Variants in DCUN1D2 observed in about 807,000 individuals in gnomAD.
The protein encoded by DCUN1D2 is defective in cullin neddylation 1 domain containing 2.
DCUN1D2 carries 29 observed loss-of-function variants against 30.9 expected under a neutral mutation model. The ratio of observed to expected loss-of-function variants is 0.94; its 90% CI spans 0.70 to 1.28. The LOEUF (loss-of-function observed/expected upper bound fraction) is 1.28, where lower values mean the gene tolerates loss of function less well. Ranked by LOEUF, DCUN1D2 falls within the 50% of genes most tolerant of loss-of-function variation. DCUN1D2 has a pLI of 0.00. For missense variants in DCUN1D2, 325 were observed against 316.9 expected, an observed-to-expected ratio of 1.03 and a Z score of -0.19; for synonymous variants, 121 against 115.3, an observed-to-expected ratio of 1.05 and a Z score of -0.32.
Position 113,456,569 on chromosome 13 carries a change from C to T in DCUN1D2, c.*1460G>A, listed in dbSNP as rs554362834. 6 of 394,696 alleles carry T rather than the reference C, an allele frequency of 1.5e-5. No homozygotes were observed. In the South Asian group the frequency reaches 8.6e-4, roughly 57 times the overall value. 24.4% of individuals were successfully genotyped at this position (394,696 alleles called of 1,614,324 possible). ...TGCTGCAGGGGGGCAGCAAGGCACG[C>T]CTGTGACATGAGAGTCTCGGCACGT... is the stretch of plus-strand genomic sequence containing the variant. On this transcript the variant is annotated 3_prime_UTR_variant, in exon 7 of 7. Transcript: ENST00000478244.
intron 1 of DCUN1D2, among the ~76,000 whole-genome samples, chr13:113,485,322 C>T (rs1428740896): frequency 6.6e-6 from 1 of 152,062 alleles, no homozygotes; most frequent in Non-Finnish European, 1.5e-5. Context: ...TGATTTATAA[C>T]ATAACTTAAC....
In DCUN1D2 at chr13:113,490,439, T is replaced by G; in HGVS notation, c.3+228A>C. 2.7e-6 allele frequency: 1 copy of G among 365,242 alleles called. No individual in the cohort carries two copies. The highest frequency in any genetic ancestry group is 4.8e-6 in the Non-Finnish European group (1 of 209,132). 22.6% of individuals were successfully genotyped at this position (365,242 alleles called of 1,614,324 possible). On this transcript the variant is annotated intron_variant, in intron 1 of 6. Coordinates refer to ENST00000478244, the MANE Select transcript of DCUN1D2 (RefSeq NM_001014283.2). This position sits in a 1 kb window ranked among gnomAD's most constrained non-coding sequence, Gnocchi z 5.2. ...GCCCCCGCCCTCCGCTCACTCCCGG[T>G]CGTCCCTCGCGGCTCCGGGTCAAAC...
At chr13:113,483,256 G>A (rs1594124181) in intron 2 of DCUN1D2, among the ~76,000 whole-genome samples, 1 of 152,054 alleles carries the variant, frequency 6.6e-6, no homozygotes, top group African/African-American at 2.4e-5. Context: ...AAGAAGCTCC[G>A]ATCCAAGCAC....
At position 113,456,376 on chromosome 13, in the gene DCUN1D2, A is replaced by T; in HGVS notation, c.*1653T>A. 2.5e-6 allele frequency: 1 copy of T among 398,892 alleles called. No individual in the cohort carries two copies. The highest frequency in any genetic ancestry group is 4.4e-6 in the Non-Finnish European group (1 of 226,256). 24.7% of individuals were successfully genotyped at this position (398,892 alleles called of 1,614,324 possible). ...ACAGTTCGTCCTGCAGCCTCCAAGC[A>T]CACTAACCTCAGCCATCAGATGTTC... On this transcript the variant is annotated 3_prime_UTR_variant, in exon 7 of 7. Coordinates refer to ENST00000478244, the MANE Select transcript of DCUN1D2 (RefSeq NM_001014283.2).
upstream of DCUN1D2, chr13:113,491,016 T>G (rs937624574): frequency 6.7e-5 from 11 of 165,288 alleles, no homozygotes; most frequent in African/African-American, 2.2e-4. Flanking sequence ...TGACTGCGGC[T>G]GGGCGGGAGT....
In DCUN1D2 at chr13:113,458,166, A is replaced by G. The variant is rs528368165; in HGVS notation, c.701-58T>C. 3 of 1,344,288 alleles carry G rather than the reference A, an allele frequency of 2.2e-6. No individual in the cohort carries two copies. In the East Asian group the frequency reaches 6.9e-5, roughly 31 times the overall value. The allele number at this position is 1,344,288 out of a possible 1,614,324, so 83.3% of individuals were successfully genotyped here. A position where few individuals can be genotyped will look rare whatever the true frequency, so the allele number is the denominator to read the frequency against. On this transcript the variant is annotated intron_variant, in intron 6 of 6. Transcript: ENST00000478244. ...AGAGCACCGTTTTTATCTCCAAAGC[A>G]CTGAGTCACACATCAATCCAACATT...
rs763252351 is a variant in DCUN1D2, at chr13:113,483,924, G to T, written c.136C>A (p.Gln46Lys). 1 of 1,614,074 alleles carries T rather than the reference G, an allele frequency of 6.2e-7. No individual in the cohort carries two copies. Among genetic ancestry groups the T allele is most frequent in the Admixed American group, 1.7e-5 (1 of 60,034 alleles). ...RLDEATDSFFQNPDSLHRESM... is the reference protein window; with the variant it reads ...RLDEATDSFFKNPDSLHRESM... Reference sequence around the variant, plus strand: ...TCCCTGTGGAGCGAGTCTGGGTTTTGGAAGAAGCTGTCCGTGGCCTCGTCT... The same window carrying T: ...TCCCTGTGGAGCGAGTCTGGGTTTTTGAAGAAGCTGTCCGTGGCCTCGTCT... Residue 46 changes from glutamine to lysine, a missense_variant, in exon 2 of 7, where the codon CAA becomes AAA. Physicochemically the swap from Gln to Lys is moderately conservative, Grantham distance 53 (BLOSUM62 1). Coordinates refer to ENST00000478244, the MANE Select transcript of DCUN1D2 (RefSeq NM_001014283.2).
At chr13:113,462,089 C>T (rs1261580395) in intron 4 of DCUN1D2, among the ~76,000 whole-genome samples, 2 of 151,400 alleles carry the variant, frequency 1.3e-5, no homozygotes, top group South Asian at 4.2e-4. Context: ...CCCGTCTCTA[C>T]TAAAAATACA....
At chr13:113,470,348 A>G (rs183405893) in intron 4 of DCUN1D2, among the ~76,000 whole-genome samples, 1 of 152,344 alleles carries the variant, frequency 6.6e-6, no homozygotes, top group African/African-American at 2.4e-5. Context: ...CTGCCTAACA[A>G]TGCATTTCTC....
intron 3 of DCUN1D2, among the ~76,000 whole-genome samples, chr13:113,478,488 A>G (rs983550044): frequency 6.6e-6 from 1 of 152,088 alleles, no homozygotes; most frequent in African/African-American, 2.4e-5. Context: ...CTATTTAATT[A>G]TTCTTGTAAA....
intron 4 of DCUN1D2, among the ~76,000 whole-genome samples, chr13:113,472,528 G>A (rs888986635): frequency 8.5e-5 from 13 of 152,184 alleles, no homozygotes; most frequent in Admixed American, 4.6e-4. Context: ...ATGAGTTCAC[G>A]GGGACATGAA....
intron 4 of DCUN1D2, among the ~76,000 whole-genome samples, chr13:113,472,180 C>T (rs532578578): frequency 2.6e-5 from 4 of 152,006 alleles, no homozygotes; most frequent in South Asian, 2.1e-4. Context: ...CACCTGTGCC[C>T]GTGAGAACCA....
At chr13:113,460,237 G>C (rs2044296850) in intron 5 of DCUN1D2, among the ~76,000 whole-genome samples, 1 of 152,212 alleles carries the variant, frequency 6.6e-6, no homozygotes, top group South Asian at 2.1e-4. Context: ...CACTCTCTGG[G>C]TACCATTCCC....
At chr13:113,473,634 G>T (rs1007454747) in intron 4 of DCUN1D2, among the ~76,000 whole-genome samples, 1 of 152,158 alleles carries the variant, frequency 6.6e-6, no homozygotes, top group African/African-American at 2.4e-5. Flanking sequence ...GAGATTTTCA[G>T]GTACGCGGTA....
intron 4 of DCUN1D2, among the ~76,000 whole-genome samples, chr13:113,463,566 C>T (rs2044353162): frequency 6.6e-6 from 1 of 151,956 alleles, no homozygotes; most frequent in African/African-American, 2.4e-5. Context: ...CAAAAGATTC[C>T]CAAAGCCAAC....
rs985362475 is a variant in DCUN1D2 at position 113,488,064 on chromosome 13, C to G, written c.3+2603G>C. Among the ~76,000 whole-genome samples, 1 of 152,182 alleles carries G rather than the reference C, an allele frequency of 6.6e-6. No homozygotes were observed. The highest frequency in any genetic ancestry group is 6.5e-5 in the Admixed American group (1 of 15,282). ...AAGCCTCCCCTAATGTGTGACAACA[C>G]CATAACACCAGCAGCCTAATTTCTT... is the stretch of plus-strand genomic sequence containing the variant. On this transcript the variant is annotated intron_variant, in intron 1 of 6. Coordinates refer to ENST00000478244, the MANE Select transcript of DCUN1D2 (RefSeq NM_001014283.2). The surrounding 1 kb of genome is among the most constrained non-coding windows in gnomAD (Gnocchi z 4.3).
chr13:113,468,058 A>G (rs1447573482), intron 4 of DCUN1D2, among the ~76,000 whole-genome samples: 1 of 151,594 alleles, frequency 6.6e-6, no homozygotes, highest in Non-Finnish European at 1.5e-5. Context: ...AAAAAAAAAA[A>G]AAAAAAAGAA....
In DCUN1D2 at chr13:113,488,588, C is replaced by A. The variant is rs2044848432; in HGVS notation, c.3+2079G>T. 3.9e-5 allele frequency among the ~76,000 whole-genome samples: 6 copies of A among 152,326 alleles called. No homozygotes were observed. The South Asian group carries it at 1.0e-3, about 26-fold the overall frequency. Reference sequence around the variant, plus strand: ...GGAAGCCGAGTCCCTCTAGACAGGACTAAACCCAGATCAAATTTACAAAGG... The same window carrying A: ...GGAAGCCGAGTCCCTCTAGACAGGAATAAACCCAGATCAAATTTACAAAGG... On this transcript the variant is annotated intron_variant, in intron 1 of 6. Transcript: ENST00000478244. This position sits in a 1 kb window ranked among gnomAD's most constrained non-coding sequence, Gnocchi z 4.3.
At chr13:113,470,569 TCAACTCCACAGGGAACC>T (rs2044485139) in intron 4 of DCUN1D2, among the ~76,000 whole-genome samples, 2 of 105,312 alleles carry the variant, frequency 1.9e-5, no homozygotes, top group African/African-American at 7.3e-5. Flanking sequence ...CACAGGGGAC[TCAACTCCACAGGGAACC>T]CAACTCCAGA....
Sources: allele counts gnomAD v4.1 joint callset (sites outside exome capture counted in the v4.1 genomes callset), GRCh38; gene constraint gnomAD v4.1.1; non-coding constraint Gnocchi (gnomAD v3.1); transcripts MANE v1.5; gene names NCBI Gene and HGNC (gene_info 2026-07-23, HGNC 2026-07-21).